STIM1: variants seen among roughly 807,000 people sequenced by gnomAD.
STIM1 encodes the protein stromal interaction molecule 1.
A neutral mutation model predicts 74.7 loss-of-function variants in STIM1; 25 were observed. The observed-to-expected ratio is 0.33, with a 90% CI of 0.24 to 0.47. The LOEUF is 0.47. Among genes scored for constraint, STIM1 ranks in the 20% least tolerant of loss-of-function variants. STIM1 has a pLI of 1.00. For missense variants in STIM1, 728 were observed against 920.8 expected (o/e 0.79, Z 2.71); for synonymous variants, 328 against 348.8 (o/e 0.94, Z 0.66).
At chr11:3,991,960 A>G (rs1179552133) in intron 2 of STIM1, among the ~76,000 whole-genome samples, 4 of 118,748 alleles carry the variant, frequency 3.4e-5, no homozygotes, top group East Asian at 2.3e-4. Flanking sequence ...CAAAAAAAAA[A>G]AAAAAAAAAA....
At chr11:3,869,259 G>A (rs901519546) in intron 1 of STIM1, among the ~76,000 whole-genome samples, 2 of 152,230 alleles carry the variant, frequency 1.3e-5, no homozygotes, top group African/African-American at 4.8e-5. Context: ...GTGAGCCACC[G>A]CACCTGGCCT....
At chr11:3,958,829 G>A (rs1012610048) in intron 1 of STIM1, among the ~76,000 whole-genome samples, 4 of 151,790 alleles carry the variant, frequency 2.6e-5, no homozygotes, top group Admixed American at 1.3e-4. Context: ...AATTAGCCAG[G>A]CGTGGCAGTG....
chr11:4,018,258 G>T (rs1303523115), intron 2 of STIM1, among the ~76,000 whole-genome samples: 3 of 150,232 alleles, frequency 2.0e-5, no homozygotes, highest in African/African-American at 7.3e-5. Flanking sequence ...GACCATCCTG[G>T]CTAACAAGGT....
At chr11:3,944,401 G>A (rs1006069566) in intron 1 of STIM1, among the ~76,000 whole-genome samples, 6 of 152,154 alleles carry the variant, frequency 3.9e-5, no homozygotes, top group Non-Finnish European at 8.8e-5. Flanking sequence ...GGCCTCTGGA[G>A]GCACCAAGGG....
chr11:4,041,739 G>A (rs771543174), intron 3 of STIM1, among the ~76,000 whole-genome samples: 32 of 152,010 alleles, frequency 2.1e-4, no homozygotes, highest in Non-Finnish European at 3.8e-4. Flanking sequence ...ACAGGTGCGC[G>A]CCATCACACA....
At chr11:3,993,119 T>C (rs1215054448) in intron 2 of STIM1, among the ~76,000 whole-genome samples, 2 of 152,130 alleles carry the variant, frequency 1.3e-5, no homozygotes, top group Non-Finnish European at 2.9e-5. Flanking sequence ...AAACTTCATT[T>C]TTTTGTTTGG....
intron 1 of STIM1, among the ~76,000 whole-genome samples, chr11:3,929,030 C>T (rs573698541): frequency 1.1e-3 from 164 of 152,210 alleles, no homozygotes; most frequent in African/African-American, 3.7e-3. Context: ...CGTGCCACAA[C>T]GCCCAGGACA....
At position 4,074,498 on chromosome 11, in the gene STIM1, C is replaced by G. The variant is rs200996329; in HGVS notation, c.792-4C>G. On this transcript the variant is annotated splice_polypyrimidine_tract_variant and splice_region_variant and intron_variant, in intron 6 of 12. Coordinates refer to ENST00000526596, the MANE Select transcript of STIM1 (RefSeq NM_001382567.1). ...TCCTCCAGCTCCCTGCATTGCCCCC[C>G]CAGGCTGCACAAGGCCCAGGAGGAG... The G allele has an allele frequency of 2.4e-5, 38 of 1,613,386 alleles. No individual in the cohort carries two copies. In the East Asian group the frequency reaches 2.9e-4, roughly 12 times the overall value.
In STIM1 at chr11:4,070,015, C is replaced by A; in HGVS notation, c.614-11C>A. The A allele has an allele frequency of 6.2e-7, 1 of 1,613,860 alleles. No individual in the cohort carries two copies. The highest frequency in any genetic ancestry group is 8.5e-7 in the Non-Finnish European group (1 of 1,180,016). ...GCACCCTAACTCATCATGCCCTCCC[C>A]TCTCTGGCAGTGACTCGCCATAATC... On this transcript the variant is annotated splice_polypyrimidine_tract_variant and intron_variant, in intron 5 of 12. Transcript: ENST00000526596.
At chr11:4,062,515 A>G (rs1349729507) in intron 5 of STIM1, among the ~76,000 whole-genome samples, 1 of 152,168 alleles carries the variant, frequency 6.6e-6, no homozygotes, top group African/African-American at 2.4e-5. Flanking sequence ...CTAGCTACTC[A>G]GGAGGTTGAG....
At chr11:4,002,119 C>T (rs12362882) in intron 2 of STIM1, among the ~76,000 whole-genome samples, 31,673 of 137,774 alleles carry the variant, frequency 0.23, 4,459 homozygotes, top group South Asian at 0.42. Context: ...GAGACTTAGA[C>T]TCCCACACAA....
intron 1 of STIM1, among the ~76,000 whole-genome samples, chr11:3,904,196 C>CAAAAAAAAAAAAAAAAAAAA (rs57908154): frequency 2.0e-4 from 15 of 73,858 alleles, no homozygotes; most frequent in Non-Finnish European, 2.7e-4. Flanking sequence ...GACTCTGTCT[C>CAAAAAAAAAAAAAAAAAAAA]AAAAAAAAAA....
intron 3 of STIM1, among the ~76,000 whole-genome samples, chr11:4,040,817 C>G (rs2959073): frequency 6.6e-6 from 1 of 152,060 alleles, no homozygotes; most frequent in Non-Finnish European, 1.5e-5. Flanking sequence ...TGGTTTCTCT[C>G]TTGGTGGTCT....
intron 1 of STIM1, among the ~76,000 whole-genome samples, chr11:3,857,780 G>A (rs1458342780): frequency 1.3e-5 from 2 of 152,322 alleles, no homozygotes; most frequent in Middle Eastern, 3.4e-3. Context: ...GGATCCAGAA[G>A]CTGGCTTTGG....
chr11:3,972,886 C>T, intron 2 of STIM1: 2 of 491,326 alleles, frequency 4.1e-6, no homozygotes, highest in Non-Finnish European at 4.0e-6. Context: ...GAATCCAGAG[C>T]TTCTGCCTCC....
chr11:4,043,491 T>C (rs2094164701), intron 3 of STIM1, among the ~76,000 whole-genome samples: 1 of 152,200 alleles, frequency 6.6e-6, no homozygotes, highest in African/African-American at 2.4e-5. Context: ...TAAATACTGA[T>C]GGGATGGACA....
chr11:4,056,345 C>G (rs2094290093), intron 4 of STIM1, among the ~76,000 whole-genome samples: 1 of 152,186 alleles, frequency 6.6e-6, no homozygotes, highest in South Asian at 2.1e-4. Context: ...ACTGCTTGGA[C>G]TTCTTGTCAT....
intron 1 of STIM1, among the ~76,000 whole-genome samples, chr11:3,889,025 G>A (rs944650468): frequency 7.9e-5 from 12 of 151,382 alleles, no homozygotes; most frequent in Non-Finnish European, 2.9e-5. Context: ...GGCTAACAAA[G>A]CAGATGGAGT....
intron 1 of STIM1, among the ~76,000 whole-genome samples, chr11:3,912,185 CCTCCCCTCCCTTCTCCCCTACCTT>C (rs2092574167): frequency 2.0e-5 from 2 of 101,664 alleles, no homozygotes; most frequent in African/African-American, 7.5e-5. Context: ...TCCTTTCTCC[CCTCCCCTCCCTTCTCCCCTACCTT>C]CTCCCCTCCC....
Sources: gnomAD v4.1 joint callset for allele counts (sites outside exome capture counted in the v4.1 genomes callset) on GRCh38, gnomAD v4.1.1 for gene constraint, MANE v1.5 for transcripts, NCBI Gene and HGNC (gene_info 2026-07-23, HGNC 2026-07-21) for gene names.